STK32B: variants seen among roughly 807,000 people sequenced by gnomAD.
The protein encoded by STK32B is serine/threonine kinase 32B, also known as serine/threonine-protein kinase 32B.
In STK32B, 43 loss-of-function variants were observed where a neutral mutation model predicts 52.6. That is an observed-to-expected ratio of 0.82 (90% CI 0.64 to 1.05). The LOEUF (loss-of-function observed/expected upper bound fraction) is 1.05. Ranked by LOEUF, STK32B falls within the 50% of genes least tolerant of loss-of-function variation. The pLI, the probability that STK32B is intolerant of heterozygous loss-of-function variation, is 0.00. For synonymous variants in STK32B, 238 were observed against 204.3 expected (o/e 1.17, Z -1.41); for missense variants, 621 against 534.6 (o/e 1.16, Z -1.59).
intron 3 of STK32B, among the ~76,000 whole-genome samples, chr4:5,250,110 C>T (rs1209171193): frequency 6.6e-6 from 1 of 152,152 alleles, no homozygotes; most frequent in Non-Finnish European, 1.5e-5. Context: ...TGGTGGCATA[C>T]TTTTCCATGG....
In STK32B at chr4:5,320,066, A is replaced by G. The variant is rs955873038; in HGVS notation, c.261-11154A>G. Reference sequence around the variant, plus strand: ...ACACTTGCAGGAGGGTGGAACAGACACTGATGAGCCAATTCAAGTCTCCAC... The same window carrying G: ...ACACTTGCAGGAGGGTGGAACAGACGCTGATGAGCCAATTCAAGTCTCCAC... On this transcript the variant is annotated intron_variant, in intron 3 of 11. Transcript: ENST00000282908. 5.3e-5 allele frequency among the ~76,000 whole-genome samples: 8 copies of G among 152,150 alleles called. No homozygotes were observed. In the South Asian group the frequency reaches 1.0e-3, roughly 20 times the overall value.
chr4:5,126,215 T>G (rs1370359867), intron 1 of STK32B, among the ~76,000 whole-genome samples: 1 of 152,224 alleles, frequency 6.6e-6, no homozygotes, highest in African/African-American at 2.4e-5. Context: ...ATTGTTTTAG[T>G]TCTCCTGTAG....
intron 9 of STK32B, among the ~76,000 whole-genome samples, chr4:5,466,095 G>A (rs1717414048): frequency 6.6e-6 from 1 of 152,104 alleles, no homozygotes; most frequent in Non-Finnish European, 1.5e-5. Flanking sequence ...GCCATCATCT[G>A]GGCTACAGCT....
intron 2 of STK32B, among the ~76,000 whole-genome samples, chr4:5,167,473 C>T (rs946988641): frequency 2.0e-5 from 3 of 152,100 alleles, no homozygotes; most frequent in Non-Finnish European, 4.4e-5. Flanking sequence ...CCCCAGAACC[C>T]ATGTGCCTGA....
intron 4 of STK32B, among the ~76,000 whole-genome samples, chr4:5,381,498 T>G (rs1279672749): frequency 6.6e-6 from 1 of 152,140 alleles, no homozygotes; most frequent in Non-Finnish European, 1.5e-5. Flanking sequence ...GGCTTTCGAT[T>G]GAATGAGATC....
chr4:5,498,820 C>A (rs947711785), intron 11 of STK32B, 125 bp from the exon 12 acceptor site: 25 of 1,363,952 alleles, frequency 1.8e-5, no homozygotes, highest in Admixed American at 6.0e-5. Flanking sequence ...AATGATCAAT[C>A]TTCCCAGGTA....
intron 11 of STK32B, among the ~76,000 whole-genome samples, chr4:5,486,388 G>C (rs1239264235): frequency 6.6e-6 from 1 of 152,218 alleles, no homozygotes; most frequent in African/African-American, 2.4e-5. Flanking sequence ...CTCCCAGCCA[G>C]GCGCGGGATG....
intron 3 of STK32B, among the ~76,000 whole-genome samples, chr4:5,205,441 A>G (rs1449013079): frequency 6.6e-6 from 1 of 152,072 alleles, no homozygotes; most frequent in African/African-American, 2.4e-5. Flanking sequence ...CATTCTCTCC[A>G]AAGACAAGGC....
intron 1 of STK32B, among the ~76,000 whole-genome samples, chr4:5,068,497 G>A (rs529701541): frequency 6.6e-6 from 1 of 152,228 alleles, no homozygotes; most frequent in Non-Finnish European, 1.5e-5. Context: ...TTTTATACCT[G>A]GAGATATGGG....
At chr4:5,106,951 T>C (rs112918708) in intron 1 of STK32B, among the ~76,000 whole-genome samples, 64 of 152,356 alleles carry the variant, frequency 4.2e-4, no homozygotes, top group African/African-American at 1.4e-3. Flanking sequence ...TGCTATACAT[T>C]GTATCCAGTG....
At chr4:5,300,091 A>G (rs553167038) in intron 3 of STK32B, among the ~76,000 whole-genome samples, 4 of 152,346 alleles carry the variant, frequency 2.6e-5, no homozygotes, top group South Asian at 2.1e-4. Flanking sequence ...TTAATTGGCC[A>G]TGATCAAGTA....
intron 3 of STK32B, among the ~76,000 whole-genome samples, chr4:5,245,089 C>T (rs566288721): frequency 2.4e-3 from 359 of 152,084 alleles, no homozygotes; most frequent in African/African-American, 8.1e-3. Flanking sequence ...CTATTAGGTC[C>T]GCTTGGTGCA....
At chr4:5,032,097 T>C in the STK32B span, among the ~76,000 whole-genome samples, 1 of 151,870 alleles carries the variant, frequency 6.6e-6, no homozygotes, top group South Asian at 2.1e-4. Flanking sequence ...ATCAGTTGCA[T>C]ATACAACGAT....
intron 3 of STK32B, among the ~76,000 whole-genome samples, chr4:5,260,510 G>A (rs1013608378): frequency 6.6e-5 from 10 of 152,190 alleles, no homozygotes; most frequent in African/African-American, 2.4e-4. Flanking sequence ...GAATGACCGG[G>A]GAGGCTTCCT....
At chr4:5,262,970 A>T (rs537389918) in intron 3 of STK32B, among the ~76,000 whole-genome samples, 6 of 152,284 alleles carry the variant, frequency 3.9e-5, no homozygotes, top group African/African-American at 1.4e-4. Flanking sequence ...TCAGATATCA[A>T]CTATCCCCTG....
chr4:5,115,640 CT>C (rs997036510), intron 1 of STK32B, among the ~76,000 whole-genome samples: 2 of 151,264 alleles, frequency 1.3e-5, no homozygotes, highest in African/African-American at 4.8e-5. Context: ...TGCAGAGAAG[CT>C]CCTGACCCCA....
chr4:5,494,222 T>C (rs926901366), intron 11 of STK32B, among the ~76,000 whole-genome samples: 17 of 152,172 alleles, frequency 1.1e-4, no homozygotes, highest in Non-Finnish European at 2.4e-4. Context: ...CTAAGTATCT[T>C]TGTGGGTCAC....
At chr4:5,323,084 AG>A (rs1391676671) in intron 3 of STK32B, among the ~76,000 whole-genome samples, 4 of 152,148 alleles carry the variant, frequency 2.6e-5, no homozygotes, top group Non-Finnish European at 5.9e-5. Flanking sequence ...AGGGATGAGC[AG>A]GGGGTCTGTG....
chr4:5,144,239 T>C (rs1716731251), intron 2 of STK32B, among the ~76,000 whole-genome samples: 2 of 152,138 alleles, frequency 1.3e-5, no homozygotes, highest in Non-Finnish European at 2.9e-5. Flanking sequence ...TGCATGCACT[T>C]TGAGTCTCTG....
Sources: gnomAD v4.1 joint callset for allele counts (sites outside exome capture counted in the v4.1 genomes callset) on GRCh38, gnomAD v4.1.1 for gene constraint, MANE v1.5 for transcripts, NCBI Gene and HGNC (gene_info 2026-07-23, HGNC 2026-07-21) for gene names.